Variants in CPAMD8 observed in about 807,000 individuals in gnomAD.
CPAMD8 encodes C3 and PZP like alpha-2-macroglobulin domain containing 8.
Under a neutral mutation model 224.7 loss-of-function variants are expected in CPAMD8, and 146 were observed. That is an observed-to-expected ratio of 0.65 (90% CI 0.57 to 0.75). The LOEUF is 0.75. Among genes scored for constraint, CPAMD8 ranks in the 30% least tolerant of loss-of-function variants. CPAMD8 has a pLI of 0.00. For missense variants in CPAMD8, 2,301 were observed against 2,537.5 expected (o/e 0.91, Z 2.00); for synonymous variants, 966 against 1,044.6 (o/e 0.92, Z 1.45).
chr19:16,902,704 G>C lies in CPAMD8; in HGVS notation c.4630C>G (p.Pro1544Ala). The C allele has an allele frequency of 6.2e-7, 1 of 1,606,814 alleles. No individual in the cohort carries two copies. The highest frequency in any genetic ancestry group is 8.5e-7 in the Non-Finnish European group (1 of 1,175,776). ...TCCTGGTGATGCTGATCGGCCGCTG[G>C]GTCATCATCGTCAGCTGGGGGCCAG... ...GDWPPADDDD[P>A]AADQHHQEYK... Residue 1544 changes from proline to alanine, a missense_variant, in exon 35 of 42, where the codon CCA becomes GCA. Transcript: ENST00000443236.
chr19:16,938,389 A>T lies in CPAMD8; in HGVS notation c.2845+6T>A. The stretch of plus-strand genomic sequence containing the variant: ...CACCTTAGCAGAATGGGCACGGGGG[A>T]CTCACCACTGGGACAGAAGAATGCG... On this transcript the variant is annotated splice_donor_region_variant and intron_variant, in intron 23 of 41. Transcript: ENST00000443236. The T allele has an allele frequency of 6.5e-7, 1 of 1,532,848 alleles. No individual in the cohort carries two copies. The highest frequency in any genetic ancestry group is 1.2e-5 in the South Asian group (1 of 81,190). 95.0% of individuals were successfully genotyped at this position (1,532,848 alleles called of 1,614,324 possible).
intron 20 of CPAMD8, among the ~76,000 whole-genome samples, chr19:16,948,837 A>AAG (rs2054193090): frequency 1.4e-5 from 1 of 69,942 alleles, no homozygotes; most frequent in Admixed American, 1.6e-4. Context: ...GGAAGGGAGG[A>AAG]GAAGGGAAGA....
chr19:16,904,176 A>AGGGGC, intron 32 of CPAMD8, 50 bp downstream of exon 32: 18 of 937,324 alleles, frequency 1.9e-5, no homozygotes, highest in African/African-American at 3.2e-5. Flanking sequence ...GACTGCAGGG[A>AGGGGC]CCCCACCCAC....
In CPAMD8 at chr19:16,952,184, C is replaced by T. The variant is rs1440445944; in HGVS notation, c.2293G>A (p.Gly765Arg). ...TCCGGGACCTTCACACTGAGTGTCC[C>T]CTCACCAGATGGGTCACTGCGGAGA... ...CLNISDPSGE[G>R]TLSVKVPDSI... Residue 765 changes from glycine (G) to arginine (R), a missense_variant, in exon 20 of 42, where the codon GGG becomes AGG. Transcript: ENST00000443236. 1 of 1,543,302 alleles carries T rather than the reference C, an allele frequency of 6.5e-7. No homozygotes were observed. Among genetic ancestry groups the T allele is most frequent in the Admixed American group, 2.0e-5 (1 of 50,812 alleles).
At position 16,955,202 on chromosome 19, in the gene CPAMD8, G is replaced by A. The variant is rs1454968967; in HGVS notation, c.2276+2651C>T. ...CCCAGCTATTTGGAAGGTTAAGGCA[G>A]AGGAATCACTTGAACCCTGGAGGCA... On this transcript the variant is annotated intron_variant, in intron 19 of 41. Transcript: ENST00000443236. Among the ~76,000 whole-genome samples the A allele has an allele frequency of 2.0e-5, 3 of 152,112 alleles. No individual in the cohort carries two copies. In the East Asian group the frequency reaches 5.8e-4, roughly 29 times the overall value.
intron 7 of CPAMD8, among the ~76,000 whole-genome samples, chr19:17,004,908 C>G (rs994468961): frequency 6.6e-6 from 1 of 151,866 alleles, no homozygotes; most frequent in African/African-American, 2.4e-5. Flanking sequence ...GCCAATATCG[C>G]CCCTAGGGGG....
At chr19:17,021,889 C>CAACCAACCAACCAA in intron 2 of CPAMD8, 141 bp downstream of exon 2, 2 of 569,616 alleles carry the variant, frequency 3.5e-6, no homozygotes, top group African/African-American at 1.9e-5. Flanking sequence ...CCTGTCTTCC[C>CAACCAACCAACCAA]TCCCTCCCTC....
chr19:16,903,808 T>C lies in CPAMD8; in HGVS notation c.4301A>G (p.Tyr1434Cys), dbSNP rs1338749860. The change falls in exon 33 of 42, where the codon TAT becomes TGT. Residue 1434 changes from tyrosine to cysteine, a missense_variant. Tyr to Cys is a radical substitution (Grantham distance 194). This residue lies in a region of CPAMD8 where 1,709 missense variants were observed against 1,753.2 expected (regional missense o/e 0.97). Transcript: ENST00000443236. ...GACAGTGAGGTTGATGCCTCCAGCA[T>C]AGGACAAGATGGCATATTCAGCCAA... ...QALAEYAILS[Y>C]AGGINLTVSL... 8.1e-6 allele frequency: 13 copies of C among 1,614,030 alleles called. No individual in the cohort carries two copies. Among genetic ancestry groups the C allele is most frequent in the African/African-American group, 1.3e-5 (1 of 74,918 alleles).
intron 23 of CPAMD8, among the ~76,000 whole-genome samples, chr19:16,934,384 G>A (rs2053628412): frequency 6.6e-6 from 1 of 152,056 alleles, no homozygotes; most frequent in Non-Finnish European, 1.5e-5. Context: ...ATATAAATAT[G>A]TTCATAAAAG....
intron 3 of CPAMD8, among the ~76,000 whole-genome samples, chr19:17,015,342 C>T (rs893366557): frequency 6.6e-6 from 1 of 152,218 alleles, no homozygotes; most frequent in Admixed American, 6.5e-5. Context: ...TGTGGTCCCT[C>T]AAGGGGTGGA....
intron 14 of CPAMD8, among the ~76,000 whole-genome samples, chr19:16,979,220 CCA>C (rs2055400411): frequency 6.9e-6 from 1 of 145,080 alleles, no homozygotes. Flanking sequence ...CACCCACTAT[CCA>C]TCCATCCATC....
At chr19:17,001,801 G>A (rs2056333151) in intron 9 of CPAMD8, among the ~76,000 whole-genome samples, 1 of 151,356 alleles carries the variant, frequency 6.6e-6, no homozygotes, top group Non-Finnish European at 1.5e-5. Flanking sequence ...GGGGAGGGCA[G>A]AGGAGGGGCC....
chr19:16,990,001 C>T (rs2055883013), intron 12 of CPAMD8, among the ~76,000 whole-genome samples: 1 of 152,208 alleles, frequency 6.6e-6, no homozygotes, highest in East Asian at 1.9e-4. Context: ...CCTGTAATCA[C>T]AGCACTTCGG....
chr19:17,010,499 G>A (rs1476655245), intron 5 of CPAMD8, among the ~76,000 whole-genome samples: 4 of 151,976 alleles, frequency 2.6e-5, no homozygotes, highest in African/African-American at 7.3e-5. Flanking sequence ...TCAGCCTCCC[G>A]AAGTGCTGGG....
At position 16,903,453 on chromosome 19, in the gene CPAMD8, G is replaced by A. The variant is rs1490242287; in HGVS notation, c.4470+108C>T. 4.4e-5 allele frequency: 66 copies of A among 1,510,028 alleles called. No homozygotes were observed. The East Asian group carries it at 1.5e-3, about 34-fold the overall frequency. The allele number at this position is 1,510,028 out of a possible 1,614,324, so 93.5% of individuals were successfully genotyped here. ...AACCTGTCCTGCAGTCTGGCATGCTGCTGAGTTCAGAACCCTCTGGGGGTC... is the reference window on the plus strand; with the variant it reads ...AACCTGTCCTGCAGTCTGGCATGCTACTGAGTTCAGAACCCTCTGGGGGTC... On this transcript the variant is annotated intron_variant, in intron 34 of 41. Transcript: ENST00000443236.
At chr19:16,982,105 A>C (rs930941780) in intron 13 of CPAMD8, among the ~76,000 whole-genome samples, 1 of 152,234 alleles carries the variant, frequency 6.6e-6, no homozygotes, top group South Asian at 2.1e-4. Flanking sequence ...AAAATCAAAA[A>C]ACTTTGGCCA....
intron 2 of CPAMD8, among the ~76,000 whole-genome samples, chr19:17,021,724 TC>T (rs923671785): frequency 6.6e-6 from 1 of 152,140 alleles, no homozygotes; most frequent in African/African-American, 2.4e-5. Context: ...CTCCTTCAGG[TC>T]CCCTGTCCCA....
chr19:16,896,819 T>C, intron 39 of CPAMD8, 154 bp from the exon 40 acceptor site: 1 of 441,550 alleles, frequency 2.3e-6, no homozygotes, highest in Non-Finnish European at 3.9e-6. Context: ...TCCTGAGCCC[T>C]GGCCTTATGG....
chr19:16,899,377 C>A lies in CPAMD8; in HGVS notation c.4848+98G>T. The A allele has an allele frequency of 1.4e-6, 1 of 722,566 alleles. No homozygotes were observed. The highest frequency in any genetic ancestry group is 1.4e-5 in the South Asian group (1 of 69,038). The allele number at this position is 722,566 out of a possible 1,614,324, so 44.8% of individuals were successfully genotyped here. On this transcript the variant is annotated intron_variant, in intron 37 of 41. Transcript: ENST00000443236. The surrounding 1 kb of genome is among the most constrained non-coding windows in gnomAD (Gnocchi z 5.4). ...CGGCCCCAGTGTCTTTTTTATGGTACAAGATACTTGCAGGGAGCCACACCA... is the reference window on the plus strand; with the variant it reads ...CGGCCCCAGTGTCTTTTTTATGGTAAAAGATACTTGCAGGGAGCCACACCA...
Sources: allele counts gnomAD v4.1 joint callset (sites outside exome capture counted in the v4.1 genomes callset), GRCh38; gene constraint gnomAD v4.1.1; regional missense constraint gnomAD v4.1.1; non-coding constraint Gnocchi (gnomAD v3.1); transcripts MANE v1.5; gene names NCBI Gene and HGNC (gene_info 2026-07-23, HGNC 2026-07-21).